Variants in ZFPM2 observed in about 807,000 individuals in gnomAD.
The protein encoded by ZFPM2 is zinc finger protein, FOG family member 2.
A neutral mutation model predicts 98.6 loss-of-function variants in ZFPM2; 20 were observed. The observed-to-expected ratio is 0.20, with a 90% CI of 0.14 to 0.29. The LOEUF (loss-of-function observed/expected upper bound fraction) is 0.29. Among genes scored for constraint, ZFPM2 ranks in the 10% least tolerant of loss-of-function variants. ZFPM2 has a pLI of 1.00. For missense variants in ZFPM2, 1,310 were observed against 1,388.6 expected, an observed-to-expected ratio of 0.94 and a Z score of 0.90; for synonymous variants, 518 against 502.7, an observed-to-expected ratio of 1.03 and a Z score of -0.41.
At chr8:105,611,890 G>A (rs558890859) in intron 4 of ZFPM2, among the ~76,000 whole-genome samples, 5 of 151,876 alleles carry the variant, frequency 3.3e-5, no homozygotes, top group South Asian at 2.1e-4. Context: ...TAGAGATGGG[G>A]TTTTACCATG....
intron 2 of ZFPM2, among the ~76,000 whole-genome samples, chr8:105,430,516 AT>A (rs1473035055): frequency 2.6e-5 from 4 of 152,172 alleles, no homozygotes; most frequent in Non-Finnish European, 2.9e-5. Context: ...GAAAAGCCTG[AT>A]TTTGAAAGTG....
At chr8:105,707,806 G>A (rs1242745569) in intron 5 of ZFPM2, among the ~76,000 whole-genome samples, 1 of 152,166 alleles carries the variant, frequency 6.6e-6, no homozygotes, top group Non-Finnish European at 1.5e-5. Flanking sequence ...CAAACTGACT[G>A]TTTCACATAA....
chr8:105,322,009 T>C (rs1392440308), intron 1 of ZFPM2, among the ~76,000 whole-genome samples: 1 of 152,160 alleles, frequency 6.6e-6, no homozygotes, highest in Non-Finnish European at 1.5e-5. Context: ...AGATTTTTTT[T>C]TCCTATTCCA....
chr8:105,788,991 T>G, intron 6 of ZFPM2, 67 bp downstream of exon 6: 1 of 1,348,292 alleles, frequency 7.4e-7, no homozygotes, highest in South Asian at 1.6e-5. Flanking sequence ...AAAAAATGTC[T>G]ACTGACAAGA....
intron 3 of ZFPM2, among the ~76,000 whole-genome samples, chr8:105,496,851 G>T (rs1245645033): frequency 6.7e-6 from 1 of 149,598 alleles, no homozygotes; most frequent in Admixed American, 6.6e-5. Context: ...GCGTGGTGGC[G>T]CATGACTGTA....
At chr8:105,675,139 A>G (rs1299935901) in intron 5 of ZFPM2, among the ~76,000 whole-genome samples, 1 of 152,154 alleles carries the variant, frequency 6.6e-6, no homozygotes, top group Non-Finnish European at 1.5e-5. Context: ...TAGATTGGAA[A>G]ATTCATGACT....
intron 1 of ZFPM2, among the ~76,000 whole-genome samples, chr8:105,327,232 T>C (rs1275026570): frequency 6.6e-6 from 1 of 151,684 alleles, no homozygotes; most frequent in Non-Finnish European, 1.5e-5. Flanking sequence ...ATAGATTTTT[T>C]CAGTAATAAT....
intron 5 of ZFPM2, among the ~76,000 whole-genome samples, chr8:105,671,704 A>T (rs1817599705): frequency 6.6e-6 from 1 of 152,100 alleles, no homozygotes; most frequent in African/African-American, 2.4e-5. Flanking sequence ...ATCTTTAATA[A>T]GTAATAGCAA....
chr8:105,544,634 A>T (rs1301079708), intron 3 of ZFPM2, among the ~76,000 whole-genome samples: 1 of 152,194 alleles, frequency 6.6e-6, no homozygotes, highest in Non-Finnish European at 1.5e-5. Flanking sequence ...TGTAGTTGTG[A>T]TTAAATATAA....
chr8:105,428,289 TAAAC>T (rs541281281), intron 2 of ZFPM2, among the ~76,000 whole-genome samples: 15 of 152,232 alleles, frequency 9.9e-5, no homozygotes, highest in Admixed American at 3.9e-4. Context: ...CAAAACCAAA[TAAAC>T]AAAAAGGCTA....
chr8:105,558,816 G>T (rs1395119340), intron 3 of ZFPM2, among the ~76,000 whole-genome samples: 2 of 152,032 alleles, frequency 1.3e-5, no homozygotes, highest in Non-Finnish European at 2.9e-5. Flanking sequence ...ATATTTTTAT[G>T]TAGAAAAGAA....
chr8:105,519,680 T>C (rs1814009522), intron 3 of ZFPM2, among the ~76,000 whole-genome samples: 1 of 152,114 alleles, frequency 6.6e-6, no homozygotes, highest in Non-Finnish European at 1.5e-5. Context: ...AATTCAGAAC[T>C]CACATACGTA....
At chr8:105,690,189 T>C (rs1355739978) in intron 5 of ZFPM2, among the ~76,000 whole-genome samples, 1 of 152,238 alleles carries the variant, frequency 6.6e-6, no homozygotes, top group Non-Finnish European at 1.5e-5. Flanking sequence ...TCACCCTGAA[T>C]AAGGCAGTTA....
At chr8:105,352,590 T>G (rs1338803582) in intron 1 of ZFPM2, among the ~76,000 whole-genome samples, 3 of 151,714 alleles carry the variant, frequency 2.0e-5, no homozygotes, top group Non-Finnish European at 2.9e-5. Context: ...TTTTACCGTT[T>G]TTTTTTTTTT....
chr8:105,739,497 TTCATTTTTATA>T (rs1284976348), intron 5 of ZFPM2, among the ~76,000 whole-genome samples: 1 of 152,064 alleles, frequency 6.6e-6, no homozygotes, highest in African/African-American at 2.4e-5. Flanking sequence ...TTTATGAATA[TTCATTTTTATA>T]GGGAGGAATA....
intron 1 of ZFPM2, among the ~76,000 whole-genome samples, chr8:105,396,196 T>C (rs1413409305): frequency 2.0e-5 from 3 of 152,122 alleles, no homozygotes; most frequent in Non-Finnish European, 2.9e-5. Flanking sequence ...ACAAAAGACA[T>C]AGGGGTGTGT....
At position 105,384,822 on chromosome 8, in the gene ZFPM2, T is replaced by C. The variant is rs57872695; in HGVS notation, c.41-34322T>C. ...AGACGAAACCCTGAATTGATGAAGT[T>C]TCTGTCACCTGGGAAATAGGTTCTT... On this transcript the variant is annotated intron_variant, in intron 1 of 7. Transcript: ENST00000407775. Among the ~76,000 whole-genome samples the C allele has an allele frequency of 5.8e-3, 884 of 152,290 alleles. 8 individuals carry two copies. The highest frequency in any genetic ancestry group is 0.02 in the African/African-American group (819 of 41,554).
At chr8:105,322,451 C>CTT (rs11303818) in intron 1 of ZFPM2, among the ~76,000 whole-genome samples, 3 of 125,234 alleles carry the variant, frequency 2.4e-5, no homozygotes, top group African/African-American at 8.6e-5. Flanking sequence ...GTGGACATCA[C>CTT]TTTTTTTTTT....
At chr8:105,467,066 A>G (rs1465442742) in intron 3 of ZFPM2, among the ~76,000 whole-genome samples, 1 of 152,026 alleles carries the variant, frequency 6.6e-6, no homozygotes, top group South Asian at 2.1e-4. Flanking sequence ...GAAACATCGT[A>G]TGTATTTCTT....
Sources: gnomAD v4.1 joint callset for allele counts (sites outside exome capture counted in the v4.1 genomes callset) on GRCh38, gnomAD v4.1.1 for gene constraint, MANE v1.5 for transcripts, NCBI Gene and HGNC (gene_info 2026-07-23, HGNC 2026-07-21) for gene names.